ATXN8OS: variants seen among roughly 807,000 people sequenced by gnomAD.
ATXN8OS encodes the protein ATXN8 opposite strand (non-protein coding).
At chr13:70,168,377 T>A (rs1421761404) in intron 4 of ATXN8OS, among the ~76,000 whole-genome samples, 1 of 152,070 alleles carries the variant, frequency 6.6e-6, no homozygotes, top group Admixed American at 6.6e-5. Flanking sequence ...GCATTTCAAA[T>A]CCTCTCTTCT....
At chr13:70,134,778 T>C (rs919289304) in intron 3 of ATXN8OS, among the ~76,000 whole-genome samples, 1 of 152,142 alleles carries the variant, frequency 6.6e-6, no homozygotes, top group Non-Finnish European at 1.5e-5. Context: ...CTGGCTTACA[T>C]GTACCAGAAT....
chr13:70,115,492 T>G (rs926645651), intron 2 of ATXN8OS, among the ~76,000 whole-genome samples: 1 of 152,134 alleles, frequency 6.6e-6, no homozygotes, highest in African/African-American at 2.4e-5. Flanking sequence ...TGTGTATTTG[T>G]GTAGATACAT....
chr13:70,112,618 G>A (rs934111132), intron 1 of ATXN8OS, among the ~76,000 whole-genome samples: 2 of 151,942 alleles, frequency 1.3e-5, no homozygotes, highest in African/African-American at 4.8e-5. Context: ...ATCCCCAGGG[G>A]CCATTTTAAT....
At chr13:70,166,546 TA>T (rs2137507832) in intron 4 of ATXN8OS, among the ~76,000 whole-genome samples, 1 of 152,100 alleles carries the variant, frequency 6.6e-6, no homozygotes, top group Non-Finnish European at 1.5e-5. Flanking sequence ...ATGTTAGACC[TA>T]AAACCATAAA....
exon 1 of ATXN8OS, chr13:70,108,016 C>G: frequency 2.3e-6 from 1 of 439,370 alleles, no homozygotes. Context: ...CGTGTTATGG[C>G]GAGGTGGGAC....
At chr13:70,156,434 T>C (rs2137502138) in intron 4 of ATXN8OS, among the ~76,000 whole-genome samples, 1 of 152,300 alleles carries the variant, frequency 6.6e-6, no homozygotes, top group East Asian at 1.9e-4. Flanking sequence ...CCATATTGTA[T>C]ATGGTTAAAC....
intron 4 of ATXN8OS, among the ~76,000 whole-genome samples, chr13:70,160,586 C>T (rs1888995913): frequency 6.6e-6 from 1 of 150,604 alleles, no homozygotes; most frequent in Non-Finnish European, 1.5e-5. Flanking sequence ...TGCAGTTTTA[C>T]ACAGTTATGC....
chr13:70,142,846 G>A (rs570982438), intron 3 of ATXN8OS, among the ~76,000 whole-genome samples: 2 of 152,266 alleles, frequency 1.3e-5, no homozygotes, highest in African/African-American at 4.8e-5. Flanking sequence ...GCCCGAGGCG[G>A]GAGGATCACC....
chr13:70,154,511 G>A (rs748390070), intron 4 of ATXN8OS, among the ~76,000 whole-genome samples: 1 of 152,114 alleles, frequency 6.6e-6, no homozygotes, highest in Non-Finnish European at 1.5e-5. Flanking sequence ...TATGACTGAA[G>A]ACATATCTTT....
At chr13:70,143,094 A>G (rs1396910188) in intron 3 of ATXN8OS, among the ~76,000 whole-genome samples, 3 of 151,006 alleles carry the variant, frequency 2.0e-5, no homozygotes, top group Admixed American at 2.0e-4. Flanking sequence ...GTAAATGTAC[A>G]TGACATTTAC....
chr13:70,152,019 A>C (rs1386221544), intron 4 of ATXN8OS, among the ~76,000 whole-genome samples: 4 of 152,080 alleles, frequency 2.6e-5, no homozygotes, highest in African/African-American at 9.7e-5. Context: ...AAAATCCTTA[A>C]TAACTTAAAC....
At chr13:70,121,881 G>A (rs1408840137) in intron 2 of ATXN8OS, among the ~76,000 whole-genome samples, 1 of 152,000 alleles carries the variant, frequency 6.6e-6, no homozygotes, top group East Asian at 1.9e-4. Context: ...AATCGGGTCA[G>A]GAAAGAGATT....
chr13:70,150,917 C>T (rs1888856843), intron 4 of ATXN8OS, among the ~76,000 whole-genome samples: 1 of 152,034 alleles, frequency 6.6e-6, no homozygotes, highest in African/African-American at 2.4e-5. Context: ...TACTAAGTTG[C>T]TCAAAGAAGG....
At chr13:70,156,448 T>C (rs1185995876) in intron 4 of ATXN8OS, among the ~76,000 whole-genome samples, 1 of 152,146 alleles carries the variant, frequency 6.6e-6, no homozygotes, top group African/African-American at 2.4e-5. Context: ...GTTAAACATT[T>C]CTGAAGATTA....
At chr13:70,133,422 T>G (rs1038315776) in intron 3 of ATXN8OS, among the ~76,000 whole-genome samples, 2 of 152,118 alleles carry the variant, frequency 1.3e-5, no homozygotes, top group Non-Finnish European at 2.9e-5. Context: ...TAAAGGAATA[T>G]GTACTGTAAT....
intron 3 of ATXN8OS, among the ~76,000 whole-genome samples, chr13:70,134,772 C>T (rs1036269544): frequency 3.9e-5 from 6 of 152,270 alleles, no homozygotes; most frequent in East Asian, 1.9e-4. Flanking sequence ...GGGCAACTGG[C>T]TTACATGTAC....
At chr13:70,157,764 CCT>C (rs1888955814) in intron 4 of ATXN8OS, among the ~76,000 whole-genome samples, 1 of 152,104 alleles carries the variant, frequency 6.6e-6, no homozygotes, top group Non-Finnish European at 1.5e-5. Flanking sequence ...CAGACAGTTC[CCT>C]GACTCCAACT....
At chr13:70,167,652 A>AC (rs1449769494) in intron 4 of ATXN8OS, among the ~76,000 whole-genome samples, 6 of 150,916 alleles carry the variant, frequency 4.0e-5, no homozygotes, top group Non-Finnish European at 7.4e-5. Flanking sequence ...CTAAAACTTA[A>AC]AGTATAATAA....
intron 2 of ATXN8OS, among the ~76,000 whole-genome samples, chr13:70,119,200 C>T (rs1233656362): frequency 6.6e-6 from 1 of 152,030 alleles, no homozygotes; most frequent in Non-Finnish European, 1.5e-5. Context: ...CAGTTTTTCA[C>T]AATTATTTCT....
Sources: gnomAD v4.1 joint callset for allele counts (sites outside exome capture counted in the v4.1 genomes callset) on GRCh38, gnomAD v4.1.1 for gene constraint, MANE v1.5 for transcripts, NCBI Gene and HGNC (gene_info 2026-07-23, HGNC 2026-07-21) for gene names.